Variants in ABLIM1 observed in about 807,000 individuals in gnomAD.
ABLIM1 encodes the protein actin-binding LIM protein 1.
In ABLIM1, 40 loss-of-function variants were observed where a neutral mutation model predicts 107.0. The observed-to-expected ratio is 0.37, with a 90% confidence interval of 0.29 to 0.49. The LOEUF (loss-of-function observed/expected upper bound fraction) is 0.49. Among genes scored for constraint, ABLIM1 ranks in the 20% least tolerant of loss-of-function variants. ABLIM1 has a pLI of 0.97. For missense variants in ABLIM1, 857 were observed against 1,008.5 expected (o/e 0.85, Z 2.04); for synonymous variants, 357 against 357.3 (o/e 1.00, Z 0.01).
intron 6 of ABLIM1, among the ~76,000 whole-genome samples, chr10:114,519,734 G>C (rs1051020975): frequency 6.6e-6 from 1 of 152,060 alleles, no homozygotes. Context: ...ATCAGGGTTC[G>C]CCCACAGATC....
chr10:114,652,798 A>T lies in ABLIM1; in HGVS notation c.244+5159T>A, dbSNP rs1319092424. ...GTATGAGACCCAAAAGCTCCAAAGG[A>T]CAGAAAGAAACACAGGTTCAAAAAC... On this transcript the variant is annotated intron_variant, in intron 1 of 22. Transcript: ENST00000533213. Among the ~76,000 whole-genome samples the T allele has an allele frequency of 2.0e-5, 3 of 152,338 alleles. No individual in the cohort carries two copies. In the East Asian group the frequency reaches 5.8e-4, roughly 29 times the overall value.
At chr10:114,562,162 A>G (rs1265877237) in intron 4 of ABLIM1, among the ~76,000 whole-genome samples, 1 of 152,182 alleles carries the variant, frequency 6.6e-6, no homozygotes, top group Non-Finnish European at 1.5e-5. Context: ...ATATGTTCAG[A>G]AAAGTGTAGC....
Position 114,433,325 on chromosome 10 carries a change from C to G in ABLIM1, c.*2935G>C, listed in dbSNP as rs548820723. 9.8e-5 allele frequency: 15 copies of G among 152,326 alleles called. No homozygotes were observed. In the South Asian group the frequency reaches 1.5e-3, roughly 15 times the overall value. The allele number at this position is 152,326 out of a possible 1,614,324, so 9.4% of individuals were successfully genotyped here. A position where few individuals can be genotyped will look rare whatever the true frequency, so the allele number is the denominator to read the frequency against. On this transcript the variant is annotated 3_prime_UTR_variant, in exon 23 of 23. Coordinates refer to ENST00000533213, the MANE Select transcript of ABLIM1 (RefSeq NM_002313.7). ...GCTGAGCCCAGTTTAACTAAATGTG[C>G]AGGCATTCTAGCCCACACATTCAAT...
intron 1 of ABLIM1, among the ~76,000 whole-genome samples, chr10:114,654,914 C>G (rs541717027): frequency 1.2e-4 from 19 of 152,304 alleles, no homozygotes; most frequent in Admixed American, 3.3e-4. Flanking sequence ...ACAAGCCTAG[C>G]AAGCAATCAC....
chr10:114,486,167 GT>G (rs1363389678), intron 8 of ABLIM1, among the ~76,000 whole-genome samples: 1 of 152,170 alleles, frequency 6.6e-6, no homozygotes, highest in Non-Finnish European at 1.5e-5. Context: ...TATCCAGAGA[GT>G]TTTCCATCAA....
intron 1 of ABLIM1, among the ~76,000 whole-genome samples, chr10:114,623,484 T>C (rs1310672818): frequency 1.3e-5 from 2 of 152,208 alleles, no homozygotes; most frequent in East Asian, 1.9e-4. Context: ...CATCTGTGCA[T>C]GGTGAGCCAG....
intron 1 of ABLIM1, among the ~76,000 whole-genome samples, chr10:114,625,461 A>G (rs1170689886): frequency 6.6e-6 from 1 of 152,224 alleles, no homozygotes; most frequent in Non-Finnish European, 1.5e-5. Flanking sequence ...ACAAGACTGC[A>G]TATGAAGTCC....
intron 1 of ABLIM1, among the ~76,000 whole-genome samples, chr10:114,724,138 G>C (rs1167802989): frequency 6.6e-6 from 1 of 152,116 alleles, no homozygotes; most frequent in Non-Finnish European, 1.5e-5. Context: ...TTTGTATCTG[G>C]AAAGTGATTG....
upstream of ABLIM1, among the ~76,000 whole-genome samples, chr10:114,688,295 C>T (rs1391008410): frequency 2.6e-5 from 4 of 152,136 alleles, no homozygotes; most frequent in South Asian, 4.1e-4. Context: ...CTATTACATA[C>T]GGTCCCTAAG....
At chr10:114,576,101 C>A (rs940015243) in intron 2 of ABLIM1, among the ~76,000 whole-genome samples, 14 of 152,148 alleles carry the variant, frequency 9.2e-5, no homozygotes, top group Non-Finnish European at 4.4e-5. Context: ...TCAGATGTTT[C>A]ATTTTTTCTT....
At chr10:114,491,390 GA>G (rs1802903981) in intron 7 of ABLIM1, among the ~76,000 whole-genome samples, 1 of 151,928 alleles carries the variant, frequency 6.6e-6, no homozygotes, top group South Asian at 2.1e-4. Flanking sequence ...AGTAAAAGGA[GA>G]AAAAAAGTAG....
At chr10:114,471,279 G>A (rs555517281) in intron 10 of ABLIM1, among the ~76,000 whole-genome samples, 16 of 152,254 alleles carry the variant, frequency 1.1e-4, no homozygotes, top group African/African-American at 3.9e-4. Context: ...TGGAGCTGCT[G>A]GGAAACGCAC....
At chr10:114,754,596 CA>C (rs1421643135) in intron 1 of ABLIM1, among the ~76,000 whole-genome samples, 1 of 152,148 alleles carries the variant, frequency 6.6e-6, no homozygotes, top group Non-Finnish European at 1.5e-5. Context: ...AGCAATGAAT[CA>C]GGGGGAAAGG....
intron 8 of ABLIM1, among the ~76,000 whole-genome samples, chr10:114,487,147 G>A (rs1347693804): frequency 3.9e-5 from 6 of 152,288 alleles, no homozygotes; most frequent in Non-Finnish European, 8.8e-5. Context: ...ATGGCAGATC[G>A]AGAAGAGATT....
At chr10:114,742,681 C>A (rs968922522) in intron 1 of ABLIM1, among the ~76,000 whole-genome samples, 2 of 152,158 alleles carry the variant, frequency 1.3e-5, no homozygotes, top group Non-Finnish European at 2.9e-5. Flanking sequence ...GTAATCCCAG[C>A]ACTTTGGGAG....
At chr10:114,631,752 G>A in intron 1 of ABLIM1, 2 of 757,660 alleles carry the variant, frequency 2.6e-6, no homozygotes, top group South Asian at 4.0e-5. Context: ...GTCTGGGTTC[G>A]ATGGAAACCC....
chr10:114,747,393 G>A (rs538298604), intron 1 of ABLIM1, among the ~76,000 whole-genome samples: 1 of 152,280 alleles, frequency 6.6e-6, no homozygotes, highest in Admixed American at 6.5e-5. Flanking sequence ...TATCTGCTGT[G>A]TGTGCCTGTC....
intron 2 of ABLIM1, among the ~76,000 whole-genome samples, chr10:114,591,114 G>C (rs892330491): frequency 2.0e-5 from 3 of 152,162 alleles, no homozygotes; most frequent in African/African-American, 7.2e-5. Context: ...CTATATTTAT[G>C]CAAGTGCAGT....
chr10:114,554,385 AAAGCTATGT>A (rs1157925179), intron 4 of ABLIM1, among the ~76,000 whole-genome samples: 1 of 152,242 alleles, frequency 6.6e-6, no homozygotes, highest in Non-Finnish European at 1.5e-5. Context: ...AAGTGACAAG[AAAGCTATGT>A]AATCTAAGAT....
Sources: gnomAD v4.1 joint callset for allele counts (sites outside exome capture counted in the v4.1 genomes callset) on GRCh38, gnomAD v4.1.1 for gene constraint, MANE v1.5 for transcripts, NCBI Gene and HGNC (gene_info 2026-07-23, HGNC 2026-07-21) for gene names.